Variants in ZNF227 observed in about 807,000 individuals in gnomAD.
ZNF227 encodes the protein zinc finger protein 227.
Under a neutral mutation model 13.2 loss-of-function variants are expected in ZNF227, and 12 were observed. That is an observed-to-expected ratio of 0.91 (90% CI 0.58 to 1.47). The LOEUF (loss-of-function observed/expected upper bound fraction) is 1.47. ZNF227 is among the 40% of genes most tolerant of loss of function. The probability of loss-of-function intolerance (pLI) is 0.00; values close to 1 mark genes in which losing one functional copy is unlikely to be tolerated. For missense variants in ZNF227, 885 were observed against 967.5 expected, an observed-to-expected ratio of 0.91 and a Z score of 1.13; for synonymous variants, 338 against 326.0, an observed-to-expected ratio of 1.04 and a Z score of -0.40.
chr19:44,224,346 T>G (rs1449754608), intron 3 of ZNF227, among the ~76,000 whole-genome samples: 1 of 152,204 alleles, frequency 6.6e-6, no homozygotes, highest in Non-Finnish European at 1.5e-5. Context: ...GTCTCGTTGA[T>G]CTGTCTGATG....
At chr19:44,234,092 C>CT (rs945553237) in intron 5 of ZNF227, among the ~76,000 whole-genome samples, 17 of 152,274 alleles carry the variant, frequency 1.1e-4, no homozygotes, top group African/African-American at 4.1e-4. Context: ...TCTGTGTTGG[C>CT]TTTGAGAGTT....
In ZNF227 at chr19:44,236,351, T is replaced by C; in HGVS notation, c.1921T>C (p.Phe641Leu). The change falls in exon 6 of 6, where the codon TTC (phenylalanine) becomes CTC (leucine). Residue 641 changes from phenylalanine (F) to leucine (L), a missense_variant. Coordinates refer to ENST00000313040, the MANE Select transcript of ZNF227 (RefSeq NM_182490.3). ...PYKCGVCGKG[F>L]SQSSGLQSHQ... Reference sequence around the variant, plus strand: ...CAAATGTGGTGTCTGTGGTAAGGGCTTCAGTCAGTCCTCTGGTCTTCAATC... The same window carrying C: ...CAAATGTGGTGTCTGTGGTAAGGGCCTCAGTCAGTCCTCTGGTCTTCAATC... The C allele has an allele frequency of 6.2e-7, 1 of 1,614,098 alleles. No homozygotes were observed. The highest frequency in any genetic ancestry group is 1.1e-5 in the South Asian group (1 of 91,086).
rs1568623007 is a variant in ZNF227, at chr19:44,236,656, ACT to A, written c.2229_2230del (p.Phe744Ter). On this transcript the variant is annotated frameshift_variant, in exon 6 of 6. Coordinates refer to ENST00000313040, the MANE Select transcript of ZNF227 (RefSeq NM_182490.3). LOFTEE classifies it low-confidence loss of function (END_TRUNC). Reference sequence around the variant, plus strand: ...ACCTGGGTGTTCACACCAGGGAAAAACTCTTTAAATGTGAAGAGTGTGGTAAA... The same window carrying A: ...ACCTGGGTGTTCACACCAGGGAAAAACTTTAAATGTGAAGAGTGTGGTAAA... ...VHLGVHTREK[L>X]FKCEECGKGF... 1.2e-6 allele frequency: 2 copies of A among 1,608,860 alleles called. No individual in the cohort carries two copies. Among genetic ancestry groups the A allele is most frequent in the East Asian group, 2.2e-5 (1 of 44,612 alleles).
chr19:44,211,068 G>A (rs1262252520), upstream of ZNF227, among the ~76,000 whole-genome samples: 1 of 151,908 alleles, frequency 6.6e-6, no homozygotes, highest in Non-Finnish European at 1.5e-5. Context: ...GTGGGGAGGG[G>A]GGTGCCTATA....
At chr19:44,226,307 GC>G (rs1247620802) in intron 3 of ZNF227, among the ~76,000 whole-genome samples, 11 of 152,226 alleles carry the variant, frequency 7.2e-5, no homozygotes, top group African/African-American at 2.7e-4. Context: ...TCTGTTCAAA[GC>G]TGTCAGACAG....
chr19:44,232,876 G>A (rs1282183749), intron 5 of ZNF227, among the ~76,000 whole-genome samples: 1 of 151,730 alleles, frequency 6.6e-6, no homozygotes, highest in South Asian at 2.1e-4. Context: ...CCATGTTGTG[G>A]GCCAGGCTGG....
upstream of ZNF227, among the ~76,000 whole-genome samples, chr19:44,209,237 ATTTGTC>A (rs988779116): frequency 1.3e-5 from 2 of 152,176 alleles, no homozygotes; most frequent in African/African-American, 4.8e-5. Flanking sequence ...CCCCGCCATC[ATTTGTC>A]TTTAACTCTT....
chr19:44,214,534 C>T (rs1441759525), intron 2 of ZNF227, among the ~76,000 whole-genome samples: 1 of 152,036 alleles, frequency 6.6e-6, no homozygotes, highest in Admixed American at 6.6e-5. Context: ...TGCGCCATCA[C>T]TCCCAGCTAA....
At chr19:44,226,279 T>G (rs980421091) in intron 3 of ZNF227, among the ~76,000 whole-genome samples, 1 of 152,236 alleles carries the variant, frequency 6.6e-6, no homozygotes, top group Non-Finnish European at 1.5e-5. Flanking sequence ...TCCAGCTGCA[T>G]GCTGGGAGAA....
In ZNF227 at chr19:44,235,086, C is replaced by T; in HGVS notation, c.656C>T (p.Thr219Ile). The change falls in exon 6 of 6, where the codon ACT becomes ATT. Residue 219 changes from threonine (T) to isoleucine (I), a missense_variant. Coordinates refer to ENST00000313040, the MANE Select transcript of ZNF227 (RefSeq NM_182490.3). ...TCACCATTTCATGAGCATATTAAAA[C>T]TGACACAGAACCAAAACCCTGCAAA... ...KKSPFHEHIK[T>I]DTEPKPCKGN... 2 of 1,613,878 alleles carry T rather than the reference C, an allele frequency of 1.2e-6. No homozygotes were observed.
chr19:44,213,727 A>G (rs2122651334), intron 2 of ZNF227: 1 of 152,222 alleles, frequency 6.6e-6, no homozygotes, highest in Middle Eastern at 3.4e-3. Flanking sequence ...GCTACCGGTG[A>G]GTCGTTGGAA....
At position 44,215,407 on chromosome 19, in the gene ZNF227, T is replaced by G. The variant is rs1971770143; in HGVS notation, c.-3+2163T>G. Reference sequence around the variant, plus strand: ...TTTTTTGTTCTTTTTCTTTCAAACTTTTTTGTCATTATGTTTTCGTAGTGT... The same window carrying G: ...TTTTTTGTTCTTTTTCTTTCAAACTGTTTTGTCATTATGTTTTCGTAGTGT... On this transcript the variant is annotated intron_variant, in intron 2 of 5. Transcript: ENST00000313040. Among the ~76,000 whole-genome samples, 5 of 151,832 alleles carry G rather than the reference T, an allele frequency of 3.3e-5. No homozygotes were observed. In the South Asian group the frequency reaches 1.0e-3, roughly 32 times the overall value.
At chr19:44,228,178 C>T (rs939138091) in intron 3 of ZNF227, 17 of 283,286 alleles carry the variant, frequency 6.0e-5, no homozygotes, top group Non-Finnish European at 7.8e-5. Flanking sequence ...TTGCAGTGAG[C>T]AGAGATTGCG....
chr19:44,221,606 G>GTTGT (rs914124634), intron 3 of ZNF227, among the ~76,000 whole-genome samples: 1 of 152,182 alleles, frequency 6.6e-6, no homozygotes, highest in African/African-American at 2.4e-5. Context: ...TTTTGATGGG[G>GTTGT]TTGTTTGCTT....
At chr19:44,218,484 A>C (rs1186109043) in intron 3 of ZNF227, among the ~76,000 whole-genome samples, 2 of 152,228 alleles carry the variant, frequency 1.3e-5, no homozygotes, top group Non-Finnish European at 2.9e-5. Context: ...CATCTAAAGA[A>C]TGACATGGTG....
intron 2 of ZNF227, among the ~76,000 whole-genome samples, chr19:44,215,236 G>T (rs972154174): frequency 6.7e-6 from 1 of 148,750 alleles, no homozygotes; most frequent in Non-Finnish European, 1.5e-5. Context: ...GCGCCATCTC[G>T]GTTCACTGCA....
intron 3 of ZNF227, among the ~76,000 whole-genome samples, chr19:44,224,959 C>G (rs1972943102): frequency 6.6e-6 from 1 of 152,060 alleles, no homozygotes; most frequent in South Asian, 2.1e-4. Flanking sequence ...TTAGGGCAGG[C>G]CTGGTGGTGA....
chr19:44,235,366 T>C lies in ZNF227; in HGVS notation c.936T>C (p.His312=). 6.2e-7 allele frequency: 1 copy of C among 1,614,218 alleles called. No individual in the cohort carries two copies. Among genetic ancestry groups the C allele is most frequent in the Non-Finnish European group, 8.5e-7 (1 of 1,180,054 alleles). ...ATTGCTTCAATAAGAGCTCTTTTCA[T>C]TCTTATCAATCTAATCATACAGGAG... ...SGDCFNKSSF[H]SYQSNHTGEK... Residue 312 remains histidine (H), a synonymous_variant, in exon 6 of 6, where the codon CAT becomes CAC. Coordinates refer to ENST00000313040, the MANE Select transcript of ZNF227 (RefSeq NM_182490.3).
upstream of ZNF227, among the ~76,000 whole-genome samples, chr19:44,208,852 G>T (rs954937068): frequency 6.6e-6 from 1 of 152,190 alleles, no homozygotes; most frequent in African/African-American, 2.4e-5. Flanking sequence ...GACCATTATA[G>T]AGAGATTAGA....
Sources: allele counts gnomAD v4.1 joint callset (sites outside exome capture counted in the v4.1 genomes callset), GRCh38; gene constraint gnomAD v4.1.1; transcripts MANE v1.5; gene names NCBI Gene and HGNC (gene_info 2026-07-23, HGNC 2026-07-21).